Variants in LRRC36 observed in about 807,000 individuals in gnomAD.
The protein encoded by LRRC36 is leucine rich repeat containing 36.
A neutral mutation model predicts 81.1 loss-of-function variants in LRRC36; 62 were observed. The ratio of observed to expected loss-of-function variants is 0.76; its 90% confidence interval spans 0.62 to 0.94. LRRC36 has a LOEUF of 0.94. LRRC36 is among the 40% of genes least tolerant of loss of function. LRRC36 has a pLI of 0.00. For missense variants in LRRC36, 761 were observed against 881.7 expected (o/e 0.86, Z 1.73); for synonymous variants, 334 against 348.6 (o/e 0.96, Z 0.47).
chr16:67,327,081 A>T, intron 1 of LRRC36, 149 bp downstream of exon 1: 1 of 709,800 alleles, frequency 1.4e-6, no homozygotes, highest in Non-Finnish European at 2.1e-6. Context: ...GGATAACTTG[A>T]GGCAGAAGGT....
chr16:67,379,427 T>TA (rs1200693222), intron 12 of LRRC36, among the ~76,000 whole-genome samples: 2 of 151,558 alleles, frequency 1.3e-5, no homozygotes, highest in East Asian at 3.9e-4. Context: ...AAAATAATAA[T>TA]AAAAATAGGC....
chr16:67,337,370 C>CTT (rs200896654), intron 1 of LRRC36, among the ~76,000 whole-genome samples: 5 of 139,452 alleles, frequency 3.6e-5, no homozygotes, highest in Admixed American at 7.1e-5. Context: ...TCTTTTCTTT[C>CTT]TTTTTTTTTT....
At position 67,379,439 on chromosome 16, in the gene LRRC36, G is replaced by A. The variant is rs775405468; in HGVS notation, c.1930+727G>A. 3.3e-5 allele frequency among the ~76,000 whole-genome samples: 5 copies of A among 150,684 alleles called. No individual in the cohort carries two copies. In the East Asian group the frequency reaches 9.9e-4, roughly 30 times the overall value. ...AGAAAAATAATAATAAAAATAGGCCGGGTGCAGTGGCTCATTCCTGTAATC... is the reference window on the plus strand; with the variant it reads ...AGAAAAATAATAATAAAAATAGGCCAGGTGCAGTGGCTCATTCCTGTAATC... On this transcript the variant is annotated intron_variant, in intron 12 of 13. Coordinates refer to ENST00000329956, the MANE Select transcript of LRRC36 (RefSeq NM_018296.6).
rs1567470061 is a variant in LRRC36 at position 67,340,987 on chromosome 16, GTA to G, written c.71-966_71-965del. Among the ~76,000 whole-genome samples, 263 of 125,988 alleles carry G rather than the reference GTA, an allele frequency of 2.1e-3. 82 individuals are homozygous for G. The highest frequency in any genetic ancestry group is 8.4e-3 in the African/African-American group (245 of 29,186). The allele number at this position is 125,988 out of a possible 152,430, so 82.7% of individuals were successfully genotyped here. On this transcript the variant is annotated intron_variant, in intron 1 of 13. Transcript: ENST00000329956. ...ATATATTCTATAGAATATAGAATAT[GTA>G]TATTATATATAGAATATGTATTCTA...
chr16:67,372,764 T>C (rs2039704725), intron 9 of LRRC36, among the ~76,000 whole-genome samples: 1 of 152,234 alleles, frequency 6.6e-6, no homozygotes, highest in Admixed American at 6.5e-5. Context: ...TTTTTGTTTG[T>C]TTGTTTGGAG....
Position 67,384,986 on chromosome 16 carries a change from C to T in LRRC36, c.2162C>T (p.Pro721Leu). The stretch of plus-strand genomic sequence containing the variant: ...GGTCATCATCTGGGGAGATCATCGC[C>T]CTTTGGGAAAAGCACGTTGTCTTCC... ...EKGHHLGRSSPFGKSTLSSSS... is the reference protein window; with the variant it reads ...EKGHHLGRSSLFGKSTLSSSS... Residue 721 changes from proline (P) to leucine (L), a missense_variant, in exon 14 of 14, where the codon CCC (proline) becomes CTC (leucine). Pro to Leu is a moderately conservative substitution (Grantham distance 98). Coordinates refer to ENST00000329956, the MANE Select transcript of LRRC36 (RefSeq NM_018296.6). 1 of 1,614,180 alleles carries T rather than the reference C, an allele frequency of 6.2e-7. No individual in the cohort carries two copies. Among genetic ancestry groups the T allele is most frequent in the Non-Finnish European group, 8.5e-7 (1 of 1,180,022 alleles).
At chr16:67,326,960 T>C (rs2142536357) in intron 1 of LRRC36, 28 bp downstream of exon 1, 1 of 1,484,334 alleles carries the variant, frequency 6.7e-7, no homozygotes, top group Non-Finnish European at 8.8e-7. Context: ...GGGTGTGGAC[T>C]GGGAACGTAG....
At chr16:67,362,094 A>T (rs968037490) in intron 5 of LRRC36, 5 of 343,700 alleles carry the variant, frequency 1.5e-5, no homozygotes, top group East Asian at 2.0e-4. Flanking sequence ...TGTAAAAATT[A>T]AAAAAAACAA....
rs575197109 is a variant in LRRC36 at position 67,334,308 on chromosome 16, C to T, written c.70+7376C>T. Among the ~76,000 whole-genome samples, 79 of 151,904 alleles carry T rather than the reference C, an allele frequency of 5.2e-4. 1 individual carries two copies. Among genetic ancestry groups the T allele is most frequent in the Middle Eastern group, 3.4e-3 (1 of 290 alleles). The stretch of plus-strand genomic sequence containing the variant: ...TGCTGGGATTACAGGCGTGAGCCAC[C>T]GCGCCTGGCCGTCCACCATTATTTT... On this transcript the variant is annotated intron_variant, in intron 1 of 13. Coordinates refer to ENST00000329956, the MANE Select transcript of LRRC36 (RefSeq NM_018296.6).
intron 1 of LRRC36, among the ~76,000 whole-genome samples, chr16:67,339,334 T>C (rs1269534605): frequency 1.3e-5 from 2 of 152,098 alleles, no homozygotes; most frequent in African/African-American, 2.4e-5. Flanking sequence ...GTTTTAACTT[T>C]GTGGACCCCT....
At chr16:67,383,725 T>G (rs1446282453) in intron 13 of LRRC36, among the ~76,000 whole-genome samples, 1 of 152,262 alleles carries the variant, frequency 6.6e-6, no homozygotes, top group Non-Finnish European at 1.5e-5. Flanking sequence ...TTTAATCTTG[T>G]TTTCATAATT....
chr16:67,346,518 A>T (rs1434180004), intron 3 of LRRC36, 70 bp downstream of exon 3: 1 of 996,720 alleles, frequency 1.0e-6, no homozygotes, highest in Non-Finnish European at 1.5e-6. Context: ...AACCTTTTGG[A>T]TGTTGGCCCA....
intron 5 of LRRC36, among the ~76,000 whole-genome samples, chr16:67,355,363 CTTTTTTTTTTTTT>C (rs1156742689): frequency 5.1e-5 from 4 of 77,708 alleles, no homozygotes; most frequent in Non-Finnish European, 8.0e-5. Context: ...TTTAAGATGT[CTTTTTTTTTTTTT>C]TTTTTTTTTT....
At chr16:67,383,674 T>C (rs1485528162) in intron 13 of LRRC36, among the ~76,000 whole-genome samples, 1 of 152,248 alleles carries the variant, frequency 6.6e-6, no homozygotes, top group Non-Finnish European at 1.5e-5. Context: ...ATTTGTTTTA[T>C]TTTGCCCTTG....
intron 7 of LRRC36, among the ~76,000 whole-genome samples, chr16:67,365,986 A>C (rs2039365798): frequency 6.6e-6 from 1 of 152,050 alleles, no homozygotes; most frequent in African/African-American, 2.4e-5. Flanking sequence ...TTTGCCTTAC[A>C]GTGGCACATA....
chr16:67,354,791 G>T (rs2038823522), intron 5 of LRRC36, among the ~76,000 whole-genome samples: 1 of 152,018 alleles, frequency 6.6e-6, no homozygotes, highest in Non-Finnish European at 1.5e-5. Context: ...TTTACATTAG[G>T]TTTCGTTCTT....
chr16:67,339,080 A>G (rs1332736793), intron 1 of LRRC36, among the ~76,000 whole-genome samples: 3 of 149,934 alleles, frequency 2.0e-5, no homozygotes, highest in African/African-American at 4.9e-5. Flanking sequence ...TTTTTGGTAG[A>G]GACGTGGTTT....
chr16:67,347,699 A>G (rs1435634858), intron 4 of LRRC36, 108 bp downstream of exon 4: 2 of 751,202 alleles, frequency 2.7e-6, no homozygotes, highest in Admixed American at 5.4e-5. Flanking sequence ...CACAAATTGT[A>G]AGAATCCTCA....
chr16:67,375,534 A>C lies in LRRC36; in HGVS notation c.1660+122A>C, dbSNP rs186153128. 3.8e-5 allele frequency: 28 copies of C among 729,236 alleles called. No homozygotes were observed. The African/African-American group carries it at 5.0e-4, about 13-fold the overall frequency. The allele number at this position is 729,236 out of a possible 1,614,324, so 45.2% of individuals were successfully genotyped here. On this transcript the variant is annotated intron_variant, in intron 10 of 13. Coordinates refer to ENST00000329956, the MANE Select transcript of LRRC36 (RefSeq NM_018296.6). ...AAGTTGTTCTCATGATCACATCCTG[A>C]AACATCTCAGAAACATCATAGTTAA...
Sources: gnomAD v4.1 joint callset for allele counts (sites outside exome capture counted in the v4.1 genomes callset) on GRCh38, gnomAD v4.1.1 for gene constraint, MANE v1.5 for transcripts, NCBI Gene and HGNC (gene_info 2026-07-23, HGNC 2026-07-21) for gene names.